The following LSAMP variants were observed in gnomAD, a reference collection of about 807,000 sequenced individuals.
LSAMP encodes limbic system associated membrane protein.
In LSAMP, 7 loss-of-function variants were observed where a neutral mutation model predicts 38.6. The ratio of observed to expected loss-of-function variants is 0.18; its 90% CI spans 0.10 to 0.34. The LOEUF (loss-of-function observed/expected upper bound fraction) is 0.34, where lower values mean the gene tolerates loss of function less well. Ranked by LOEUF, LSAMP falls within the 10% of genes least tolerant of loss-of-function variation. The pLI is 1.00. For synonymous variants in LSAMP, 154 were observed against 166.8 expected (o/e 0.92, Z 0.59); for missense variants, 313 against 420.0 (o/e 0.75, Z 2.23).
At chr3:115,955,230 G>C (rs545781370) in intron 3 of LSAMP, among the ~76,000 whole-genome samples, 138 of 152,182 alleles carry the variant, frequency 9.1e-4, no homozygotes, top group African/African-American at 3.2e-3. Flanking sequence ...CACCGCGCCT[G>C]GCCATGTTTT....
intron 1 of LSAMP, among the ~76,000 whole-genome samples, chr3:116,099,996 GTTC>G (rs1708307237): frequency 1.3e-5 from 2 of 148,514 alleles, no homozygotes; most frequent in African/African-American, 5.0e-5. Flanking sequence ...CTTTACTTTG[GTTC>G]TTCTTCTAAA....
chr3:116,395,805 C>T (rs2048759644), intron 1 of LSAMP, among the ~76,000 whole-genome samples: 1 of 152,122 alleles, frequency 6.6e-6, no homozygotes, highest in African/African-American at 2.4e-5. Flanking sequence ...CATTTACTGG[C>T]CACAGAAAAA....
intron 1 of LSAMP, among the ~76,000 whole-genome samples, chr3:116,302,759 T>A (rs1476598942): frequency 6.6e-6 from 1 of 152,134 alleles, no homozygotes; most frequent in East Asian, 1.9e-4. Context: ...ACAAATAACA[T>A]GATGTGATTT....
chr3:116,159,091 A>G (rs533029830), intron 1 of LSAMP, among the ~76,000 whole-genome samples: 2 of 152,310 alleles, frequency 1.3e-5, no homozygotes, highest in African/African-American at 4.8e-5. Context: ...TTTACACCAT[A>G]TACAAAAATC....
chr3:115,862,428 C>T (rs1559856206), intron 3 of LSAMP, among the ~76,000 whole-genome samples: 1 of 152,208 alleles, frequency 6.6e-6, no homozygotes, highest in Admixed American at 6.5e-5. Context: ...TCTAGCCCTT[C>T]ACCCTTTCTT....
At chr3:115,824,507 C>G (rs1934344696) in intron 6 of LSAMP, among the ~76,000 whole-genome samples, 1 of 152,052 alleles carries the variant, frequency 6.6e-6, no homozygotes, top group African/African-American at 2.4e-5. Flanking sequence ...TTGAGACCAG[C>G]CTGGCCAACA....
chr3:116,340,760 A>G (rs2047981585), intron 1 of LSAMP, among the ~76,000 whole-genome samples: 1 of 152,052 alleles, frequency 6.6e-6, no homozygotes, highest in Non-Finnish European at 1.5e-5. Flanking sequence ...AGGCTCTATT[A>G]GAAAAAGTGC....
intron 1 of LSAMP, among the ~76,000 whole-genome samples, chr3:116,328,434 A>G (rs1238092011): frequency 1.3e-5 from 2 of 152,212 alleles, no homozygotes; most frequent in African/African-American, 2.4e-5. Flanking sequence ...TCTAAATAGC[A>G]TATTCTATTC....
At chr3:116,155,758 T>C (rs1709733171) in intron 1 of LSAMP, among the ~76,000 whole-genome samples, 2 of 152,058 alleles carry the variant, frequency 1.3e-5, no homozygotes, top group South Asian at 4.1e-4. Flanking sequence ...TTTTTACCTC[T>C]ATATTTCTAA....
chr3:116,145,173 T>C (rs1372466201), intron 1 of LSAMP, among the ~76,000 whole-genome samples: 1 of 151,978 alleles, frequency 6.6e-6, no homozygotes, highest in Non-Finnish European at 1.5e-5. Context: ...TAAGACCTTC[T>C]TGTTCTTTAT....
intron 4 of LSAMP, among the ~76,000 whole-genome samples, chr3:115,845,452 G>A (rs1045952258): frequency 4.6e-5 from 7 of 152,166 alleles, no homozygotes; most frequent in African/African-American, 9.6e-5. Flanking sequence ...TTTGGGACCC[G>A]GGGAAGGAAA....
rs993161947 is a variant in LSAMP, at chr3:116,114,939, T to C, written c.156-28383A>G. ...TGGGTTAACAGTTGAGTATGGCAGC[T>C]CTTAGAATCTAGAATAATTTGCAAA... On this transcript the variant is annotated intron_variant, in intron 1 of 6. Transcript: ENST00000490035. 2.0e-5 allele frequency among the ~76,000 whole-genome samples: 3 copies of C among 152,238 alleles called. No individual in the cohort carries two copies. In the East Asian group the frequency reaches 5.8e-4, roughly 29 times the overall value.
intron 1 of LSAMP, among the ~76,000 whole-genome samples, chr3:116,204,717 T>C (rs1354652397): frequency 6.6e-6 from 1 of 151,796 alleles, no homozygotes; most frequent in Non-Finnish European, 1.5e-5. Flanking sequence ...GTTGTAGATA[T>C]GCAGCGTTAT....
chr3:115,878,635 T>C (rs971314909), intron 3 of LSAMP, among the ~76,000 whole-genome samples: 1 of 151,770 alleles, frequency 6.6e-6, no homozygotes, highest in African/African-American at 2.4e-5. Context: ...CTAATATTTA[T>C]ATTTTTAGTA....
At chr3:115,917,451 A>G (rs1645301384) in intron 3 of LSAMP, among the ~76,000 whole-genome samples, 1 of 152,158 alleles carries the variant, frequency 6.6e-6, no homozygotes, top group Non-Finnish European at 1.5e-5. Flanking sequence ...AGGTAGCTCC[A>G]TTACCACCCC....
intron 3 of LSAMP, among the ~76,000 whole-genome samples, chr3:115,934,607 G>A (rs1283127803): frequency 6.6e-6 from 1 of 152,276 alleles, no homozygotes; most frequent in East Asian, 1.9e-4. Flanking sequence ...TAAGATAGCA[G>A]TACTTGATGA....
intron 2 of LSAMP, among the ~76,000 whole-genome samples, chr3:116,043,901 G>A (rs1429527104): frequency 6.6e-6 from 1 of 152,224 alleles, no homozygotes; most frequent in Non-Finnish European, 1.5e-5. Flanking sequence ...AGCCAAGATC[G>A]CGCCGCTGCA....
intron 1 of LSAMP, among the ~76,000 whole-genome samples, chr3:116,347,930 G>A (rs955624746): frequency 4.6e-5 from 7 of 151,954 alleles, no homozygotes; most frequent in African/African-American, 1.2e-4. Context: ...CCATCACTTA[G>A]CCAGTATTTT....
chr3:116,051,126 A>G lies in LSAMP; in HGVS notation c.389-31486T>C, dbSNP rs562247315. ...GGTAATGGAATCTACAATTCAAAAA[A>G]AGAAGGAAAGAAAGAAATCACTTCA... On this transcript the variant is annotated intron_variant, in intron 2 of 6. Transcript: ENST00000490035. 1.4e-4 allele frequency: 22 copies of G among 152,370 alleles called. No homozygotes were observed. In the East Asian group the frequency reaches 4.1e-3, roughly 28 times the overall value. 9.4% of individuals were successfully genotyped at this position (152,370 alleles called of 1,614,324 possible).
Sources: allele counts gnomAD v4.1 joint callset (sites outside exome capture counted in the v4.1 genomes callset), GRCh38; gene constraint gnomAD v4.1.1; transcripts MANE v1.5; gene names NCBI Gene and HGNC (gene_info 2026-07-23, HGNC 2026-07-21).